SIPA1L2: variants seen among roughly 807,000 people sequenced by gnomAD.
The protein encoded by SIPA1L2 is signal-induced proliferation-associated 1-like protein 2.
In SIPA1L2, 56 loss-of-function variants were observed where a neutral mutation model predicts 163.9. The observed-to-expected ratio is 0.34, with a 90% CI of 0.28 to 0.43. The LOEUF (loss-of-function observed/expected upper bound fraction) is 0.43. Among genes scored for constraint, SIPA1L2 ranks in the 20% least tolerant of loss-of-function variants. The pLI is 1.00. For synonymous variants in SIPA1L2, 877 were observed against 865.7 expected (o/e 1.01, Z -0.23); for missense variants, 1,974 against 2,193.5 (o/e 0.90, Z 2.00).
At chr1:232,490,649 T>G in intron 5 of SIPA1L2, 1 of 463,054 alleles carries the variant, frequency 2.2e-6, no homozygotes. Context: ...ACCAAAACCT[T>G]GGTAATAACA....
chr1:232,465,015 A>G lies in SIPA1L2; in HGVS notation c.2645T>C (p.Met882Thr). 6.2e-7 allele frequency: 1 copy of G among 1,614,222 alleles called. No homozygotes were observed. ...CLLGISNEFI[M>T]LIEKDSKNVV... ...ATTCTTGGAATCCTTTTCAATCAAC[A>G]TGATGAACTCATTGGAGATCCCGAG... The change falls in exon 9 of 23, where the codon ATG becomes ACG. Residue 882 changes from methionine to threonine, a missense_variant. Met to Thr is a moderately conservative substitution (Grantham distance 81). This residue lies in a region of SIPA1L2 where 1,079 missense variants were observed against 1,150.7 expected (regional missense o/e 0.94). Coordinates refer to ENST00000674635, the MANE Select transcript of SIPA1L2 (RefSeq NM_020808.5). This position sits in a 1 kb window ranked among gnomAD's most constrained non-coding sequence, Gnocchi z 4.1.
chr1:232,591,295 CAG>C (rs1660944015), intron 1 of SIPA1L2, among the ~76,000 whole-genome samples: 1 of 152,248 alleles, frequency 6.6e-6, no homozygotes, highest in Admixed American at 6.5e-5. Flanking sequence ...GTTTATATTT[CAG>C]AGAGAAGATC....
chr1:232,596,446 G>C (rs944189500), intron 1 of SIPA1L2, among the ~76,000 whole-genome samples: 1 of 152,182 alleles, frequency 6.6e-6, no homozygotes, highest in African/African-American at 2.4e-5. Flanking sequence ...CATCAAAGCA[G>C]AACTGGGCCC....
chr1:232,627,466 G>A (rs1663138772), intron 1 of SIPA1L2, among the ~76,000 whole-genome samples: 1 of 151,614 alleles, frequency 6.6e-6, no homozygotes, highest in African/African-American at 2.4e-5. Flanking sequence ...GTGGACAAGT[G>A]TTTACTAAGC....
At chr1:232,619,966 C>G (rs190775709) in intron 1 of SIPA1L2, among the ~76,000 whole-genome samples, 77 of 152,248 alleles carry the variant, frequency 5.1e-4, no homozygotes, top group Admixed American at 1.6e-3. Context: ...CTCACTGCAA[C>G]CTCCGCCTCC....
At chr1:232,603,391 C>A (rs531025672) in intron 1 of SIPA1L2, among the ~76,000 whole-genome samples, 74 of 151,914 alleles carry the variant, frequency 4.9e-4, no homozygotes, top group Middle Eastern at 3.4e-3. Context: ...TCATGAGACC[C>A]CAGTGTTTAA....
intron 3 of SIPA1L2, among the ~76,000 whole-genome samples, chr1:232,504,453 G>A (rs1238145436): frequency 1.3e-5 from 2 of 151,868 alleles, no homozygotes; most frequent in Admixed American, 6.6e-5. Context: ...CACGAGAAGT[G>A]CATGAACCTG....
At chr1:232,546,032 G>T (rs966988928) in intron 2 of SIPA1L2, among the ~76,000 whole-genome samples, 2 of 152,176 alleles carry the variant, frequency 1.3e-5, no homozygotes, top group African/African-American at 4.8e-5. Context: ...TCATTACATT[G>T]TGTTAGGAAT....
intron 2 of SIPA1L2, among the ~76,000 whole-genome samples, chr1:232,566,161 AT>A (rs574747786): frequency 1.9e-4 from 28 of 149,622 alleles, no homozygotes; most frequent in African/African-American, 6.4e-4. Flanking sequence ...AATAACAAAG[AT>A]TTTTCTGTTT....
At position 232,514,569 on chromosome 1, in the gene SIPA1L2, G is replaced by T. The variant is rs767281973; in HGVS notation, c.771C>A (p.Arg257=). 1.3e-5 allele frequency: 21 copies of T among 1,614,082 alleles called. No homozygotes were observed. The highest frequency in any genetic ancestry group is 1.7e-5 in the Non-Finnish European group (20 of 1,180,042). Residue 257 remains arginine, a synonymous_variant, in exon 3 of 23, where the codon CGC becomes CGA. Coordinates refer to ENST00000674635, the MANE Select transcript of SIPA1L2 (RefSeq NM_020808.5). ...AAQISRGEFV[R]ISGLDYVDSA... The stretch of plus-strand genomic sequence containing the variant: ...TGTCCACATAATCTAATCCTGAGAT[G>T]CGGACAAATTCTCCCCTAGAAATCT...
At chr1:232,522,319 G>A (rs1298844962) in intron 2 of SIPA1L2, among the ~76,000 whole-genome samples, 1 of 152,108 alleles carries the variant, frequency 6.6e-6, no homozygotes, top group African/African-American at 2.4e-5. Flanking sequence ...GCTCCCATGT[G>A]TTGACCTTCA....
chr1:232,524,788 A>G (rs75942188), intron 2 of SIPA1L2, among the ~76,000 whole-genome samples: 2,312 of 152,282 alleles, frequency 0.015, 64 homozygotes, highest in African/African-American at 0.053. Context: ...AAAAATCTAT[A>G]TACATAAAAA....
intron 19 of SIPA1L2, among the ~76,000 whole-genome samples, chr1:232,407,549 T>C (rs1173428829): frequency 2.0e-5 from 3 of 152,324 alleles, no homozygotes; most frequent in African/African-American, 7.2e-5. Flanking sequence ...ATGTGGAGCA[T>C]TTCATTGCCA....
intron 9 of SIPA1L2, 122 bp from the exon 10 acceptor site, chr1:232,461,283 G>T: frequency 1.6e-6 from 2 of 1,223,894 alleles, no homozygotes; most frequent in Non-Finnish European, 2.3e-6. Flanking sequence ...AGCCCAGCCT[G>T]TCTCTCTCTG....
intron 1 of SIPA1L2, among the ~76,000 whole-genome samples, chr1:232,612,469 C>A (rs1461288173): frequency 6.6e-6 from 1 of 152,216 alleles, no homozygotes; most frequent in Non-Finnish European, 1.5e-5. Flanking sequence ...AGAGGTGGAG[C>A]TGCCCAAGAC....
rs374220028 is a variant in SIPA1L2 at position 232,401,445 on chromosome 1, T to C, written c.5022+947A>G. 2.8e-4 allele frequency among the ~76,000 whole-genome samples: 42 copies of C among 152,298 alleles called. 1 individual carries two copies. In the East Asian group the frequency reaches 6.8e-3, roughly 24 times the overall value. ...GTTTACACGCTGTGGTGCACCCATA[T>C]CCGCTATCCACAAAACTCTTATACT... On this transcript the variant is annotated intron_variant, in intron 22 of 22. Transcript: ENST00000674635.
In SIPA1L2 at chr1:232,515,441, G is replaced by A; in HGVS notation, c.-102C>T. 1 of 1,247,136 alleles carries A rather than the reference G, an allele frequency of 8.0e-7. No homozygotes were observed. The highest frequency in any genetic ancestry group is 1.1e-6 in the Non-Finnish European group (1 of 928,060). 77.3% of individuals were successfully genotyped at this position (1,247,136 alleles called of 1,614,324 possible). On this transcript the variant is annotated 5_prime_UTR_variant, in exon 3 of 23. Coordinates refer to ENST00000674635, the MANE Select transcript of SIPA1L2 (RefSeq NM_020808.5). ...TAATACTTGCAGATATAAAGGCTTTGTCTGTAGTTGTATTTTTTCTTTTCT... is the reference window on the plus strand; with the variant it reads ...TAATACTTGCAGATATAAAGGCTTTATCTGTAGTTGTATTTTTTCTTTTCT...
intron 1 of SIPA1L2, among the ~76,000 whole-genome samples, chr1:232,617,522 A>G (rs931987567): frequency 5.3e-5 from 8 of 152,274 alleles, no homozygotes; most frequent in African/African-American, 1.7e-4. Context: ...AAAGTATACA[A>G]CAAAGTAAAA....
At chr1:232,404,011 G>A (rs946666744) in intron 20 of SIPA1L2, 114 bp downstream of exon 20, 80 of 1,180,320 alleles carry the variant, frequency 6.8e-5, no homozygotes, top group Admixed American at 3.2e-4. Context: ...CACATGTCCC[G>A]CTGTGCACCC....
Sources: gnomAD v4.1 joint callset for allele counts (sites outside exome capture counted in the v4.1 genomes callset) on GRCh38, gnomAD v4.1.1 for gene constraint, gnomAD v4.1.1 regional missense constraint, Gnocchi (gnomAD v3.1) non-coding constraint, MANE v1.5 for transcripts, NCBI Gene and HGNC (gene_info 2026-07-23, HGNC 2026-07-21) for gene names.